Variants in RNF26 observed in about 807,000 individuals in gnomAD.
RNF26 encodes the protein ring finger protein 26.
Under a neutral mutation model 25.4 loss-of-function variants are expected in RNF26, and 8 were observed. The ratio of observed to expected loss-of-function variants is 0.31; its 90% CI spans 0.18 to 0.57. The LOEUF (loss-of-function observed/expected upper bound fraction) is 0.57, where lower values mean the gene tolerates loss of function less well. Among genes scored for constraint, RNF26 ranks in the 20% least tolerant of loss-of-function variants. The probability of loss-of-function intolerance (pLI) is 0.90; values close to 1 mark genes in which losing one functional copy is unlikely to be tolerated. For synonymous variants in RNF26, 262 were observed against 246.7 expected (o/e 1.06, Z -0.58); for missense variants, 470 against 552.0 (o/e 0.85, Z 1.49).
In RNF26 at chr11:119,335,248, C is replaced by T. The variant is rs986149624; in HGVS notation, c.126C>T (p.Phe42=). The change falls in exon 1 of 1, where the codon TTC becomes TTT. Residue 42 remains phenylalanine, a synonymous_variant. Transcript: ENST00000311413. ...CTTCCCTGGCCTGGCTCCTGGCCTT[C>T]GTCTACAACCTGCCGCACACGGTAC... is the stretch of plus-strand genomic sequence containing the variant. ...LLASLAWLLA[F]VYNLPHTVLT... 5 of 1,614,064 alleles carry T rather than the reference C, an allele frequency of 3.1e-6. No individual in the cohort carries two copies. The highest frequency in any genetic ancestry group is 1.3e-5 in the African/African-American group (1 of 74,916).
In RNF26 at chr11:119,334,988, C is replaced by T. The variant is rs1375352402; in HGVS notation, c.-135C>T. The T allele has an allele frequency of 6.0e-6, 4 of 667,508 alleles. No homozygotes were observed. In the East Asian group the frequency reaches 8.1e-5, roughly 14 times the overall value. The allele number at this position is 667,508 out of a possible 1,614,324, so 41.3% of individuals were successfully genotyped here. ...GTCTTACCCACTTCTTCCTCAGATT[C>T]TTGGTACCCCCTGGGTTGGAGACTG... On this transcript the variant is annotated 5_prime_UTR_variant, in exon 1 of 1. Coordinates refer to ENST00000311413, the MANE Select transcript of RNF26 (RefSeq NM_032015.5).
In RNF26 at chr11:119,335,351, T is replaced by G; in HGVS notation, c.229T>G (p.Cys77Gly). The change falls in exon 1 of 1, where the codon TGT (cysteine) becomes GGT (glycine). Residue 77 changes from cysteine (C) to glycine (G), a missense_variant. Coordinates refer to ENST00000311413, the MANE Select transcript of RNF26 (RefSeq NM_032015.5). ...ALIEAVVRFT[C>G]GGLQALCTLL... ...GATCGAAGCCGTGGTCCGGTTCACATGTGGGGGCTTGCAGGCCTTGTGTAC... is the reference window on the plus strand; with the variant it reads ...GATCGAAGCCGTGGTCCGGTTCACAGGTGGGGGCTTGCAGGCCTTGTGTAC... 1 of 1,614,168 alleles carries G rather than the reference T, an allele frequency of 6.2e-7. No individual in the cohort carries two copies. Among genetic ancestry groups the G allele is most frequent in the African/African-American group, 1.3e-5 (1 of 75,030 alleles).
rs142008991 is a variant in RNF26, at chr11:119,336,119, C to T, written c.997C>T (p.Arg333Cys). Residue 333 changes from arginine (R) to cysteine (C), a missense_variant, in exon 1 of 1, where the codon CGC becomes TGC. Arg to Cys is a radical substitution (Grantham distance 180). Transcript: ENST00000311413. ...ACAGGACACTCTTCCTGAAGCGGGG[C>T]GCAGATCAGAGGCAGAAGAGGAGGA... ...RRQDTLPEAG[R>C]RSEAEEEEAR... The T allele has an allele frequency of 2.7e-5, 44 of 1,614,136 alleles. No individual in the cohort carries two copies. The highest frequency in any genetic ancestry group is 1.8e-4 in the South Asian group (16 of 91,088).
chr11:119,336,677 A>G lies in RNF26; in HGVS notation c.*253A>G, dbSNP rs549028457. 220 of 543,684 alleles carry G rather than the reference A, an allele frequency of 4.0e-4. No individual in the cohort carries two copies. The highest frequency in any genetic ancestry group is 2.4e-3 in the Middle Eastern group (5 of 2,042). The allele number at this position is 543,684 out of a possible 1,614,324, so 33.7% of individuals were successfully genotyped here. The stretch of plus-strand genomic sequence containing the variant: ...GTCACTATGCAAGGGCCCTGAGACT[A>G]TTTGCTGTGGGCTCTCCTCCAGCCT... On this transcript the variant is annotated 3_prime_UTR_variant, in exon 1 of 1. Transcript: ENST00000311413.
In RNF26 at chr11:119,335,659, G is replaced by T. The variant is rs144332850; in HGVS notation, c.537G>T (p.Arg179Ser). The T allele has an allele frequency of 8.1e-6, 13 of 1,614,020 alleles. No homozygotes were observed. The South Asian group carries it at 1.4e-4, about 18-fold the overall frequency. ...LWDAVTGPLW[R>S]MTDVVAAFLA... is the part of the protein sequence containing the mutation. Reference sequence around the variant, plus strand: ...ATGCAGTGACCGGGCCTCTGTGGAGGATGACGGACGTAGTGGCTGCCTTCC... The same window carrying T: ...ATGCAGTGACCGGGCCTCTGTGGAGTATGACGGACGTAGTGGCTGCCTTCC... The change falls in exon 1 of 1, where the codon AGG becomes AGT. Residue 179 changes from arginine (R) to serine (S), a missense_variant. Arg to Ser is a moderately radical substitution (Grantham distance 110, BLOSUM62 -1). Coordinates refer to ENST00000311413, the MANE Select transcript of RNF26 (RefSeq NM_032015.5).
chr11:119,335,304 T>C lies in RNF26; in HGVS notation c.182T>C (p.Val61Ala). The C allele has an allele frequency of 6.2e-7, 1 of 1,614,026 alleles. No individual in the cohort carries two copies. The highest frequency in any genetic ancestry group is 8.5e-7 in the Non-Finnish European group (1 of 1,180,028). The change falls in exon 1 of 1, where the codon GTC becomes GCC. Residue 61 changes from valine to alanine, a missense_variant. Physicochemically the swap from Val to Ala is moderately conservative, Grantham distance 64. Transcript: ENST00000311413. ...LTSLLHLGRG[V>A]LLSLLALIEA... ...AGTCTTCTGCACTTGGGCCGCGGAG[T>C]CTTGCTTTCATTGCTGGCCTTGATC...
chr11:119,335,251 C>G lies in RNF26; in HGVS notation c.129C>G (p.Val43=), dbSNP rs1459477366. The G allele has an allele frequency of 6.2e-7, 1 of 1,614,168 alleles. No homozygotes were observed. Among genetic ancestry groups the G allele is most frequent in the South Asian group, 1.1e-5 (1 of 91,086 alleles). The change falls in exon 1 of 1, where the codon GTC becomes GTG. Residue 43 remains valine (V), a synonymous_variant. Coordinates refer to ENST00000311413, the MANE Select transcript of RNF26 (RefSeq NM_032015.5). ...CCCTGGCCTGGCTCCTGGCCTTCGT[C>G]TACAACCTGCCGCACACGGTACTGA... ...LASLAWLLAF[V]YNLPHTVLTS...
Position 119,335,451 on chromosome 11 carries a change from G to C in RNF26, c.329G>C (p.Arg110Pro), listed in dbSNP as rs760344984. 3.1e-6 allele frequency: 5 copies of C among 1,613,748 alleles called. No individual in the cohort carries two copies. The highest frequency in any genetic ancestry group is 3.4e-6 in the Non-Finnish European group (4 of 1,179,762). The change falls in exon 1 of 1, where the codon CGG (arginine) becomes CCG (proline). Residue 110 changes from arginine (R) to proline (P), a missense_variant. Coordinates refer to ENST00000311413, the MANE Select transcript of RNF26 (RefSeq NM_032015.5). ...CACCTGGCCTCTCATGGGGCACTGCGGAGCAGGGAGATACTGCACCGGGGC... is the reference window on the plus strand; with the variant it reads ...CACCTGGCCTCTCATGGGGCACTGCCGAGCAGGGAGATACTGCACCGGGGC... ...LGHLASHGALRSREILHRGVL... is the reference protein window; with the variant it reads ...LGHLASHGALPSREILHRGVL...
Position 119,335,487 on chromosome 11 carries a change from T to A in RNF26, c.365T>A (p.Val122Glu). The A allele has an allele frequency of 6.2e-7, 1 of 1,613,522 alleles. No homozygotes were observed. The highest frequency in any genetic ancestry group is 8.5e-7 in the Non-Finnish European group (1 of 1,179,628). Residue 122 changes from valine to glutamate, a missense_variant, in exon 1 of 1, where the codon GTG becomes GAG. Physicochemically the swap from Val to Glu is moderately radical, Grantham distance 121 (BLOSUM62 -2). Coordinates refer to ENST00000311413, the MANE Select transcript of RNF26 (RefSeq NM_032015.5). ...REILHRGVLN[V>E]VSSGHALLRQ... ...ATACTGCACCGGGGCGTCCTCAATGTGGTCTCCAGTGGCCATGCTTTGCTG... is the reference window on the plus strand; with the variant it reads ...ATACTGCACCGGGGCGTCCTCAATGAGGTCTCCAGTGGCCATGCTTTGCTG...
rs1244973107 is a variant in RNF26, at chr11:119,335,429, C to T, written c.307C>T (p.Leu103=). Residue 103 remains leucine (L), a synonymous_variant, in exon 1 of 1, where the codon CTG becomes TTG. Transcript: ENST00000311413. ...AGAGAGCCTAAAGCTCCTGGGGCACCTGGCCTCTCATGGGGCACTGCGGAG... is the reference window on the plus strand; with the variant it reads ...AGAGAGCCTAAAGCTCCTGGGGCACTTGGCCTCTCATGGGGCACTGCGGAG... ...GLESLKLLGH[L]ASHGALRSRE... The T allele has an allele frequency of 6.2e-7, 1 of 1,614,100 alleles. No homozygotes were observed. Among genetic ancestry groups the T allele is most frequent in the Non-Finnish European group, 8.5e-7 (1 of 1,179,962 alleles).
rs527386033 is a variant in RNF26 at position 119,336,393 on chromosome 11, G to A, written c.1271G>A (p.Gly424Asp). The change falls in exon 1 of 1, where the codon GGC becomes GAC. Residue 424 changes from glycine to aspartate, a missense_variant. By Grantham distance (94) the Gly-to-Asp change is moderately conservative. Coordinates refer to ENST00000311413, the MANE Select transcript of RNF26 (RefSeq NM_032015.5). ...CGCAATTGCCCGCTCTGCCGCCGGG[G>A]CATCCTGCAGACCCTCAATGTCTAC... Reference protein sequence around the residue: ...YHRNCPLCRRGILQTLNVYL With the variant: ...YHRNCPLCRRDILQTLNVYL 1.9e-6 allele frequency: 3 copies of A among 1,610,796 alleles called. No individual in the cohort carries two copies. Among genetic ancestry groups the A allele is most frequent in the African/African-American group, 1.3e-5 (1 of 75,048 alleles).
At position 119,336,358 on chromosome 11, in the gene RNF26, C is replaced by A. The variant is rs144302351; in HGVS notation, c.1236C>A (p.Pro412=). Residue 412 remains proline, a synonymous_variant, in exon 1 of 1, where the codon CCC becomes CCA. Coordinates refer to ENST00000311413, the MANE Select transcript of RNF26 (RefSeq NM_032015.5). Reference sequence around the variant, plus strand: ...GCACTGAAATCCTGATGCGCCACCCCGTCTACCACCGCAATTGCCCGCTCT... The same window carrying A: ...GCACTGAAATCCTGATGCGCCACCCAGTCTACCACCGCAATTGCCCGCTCT... ...QACTEILMRH[P]VYHRNCPLCR... 1 of 1,611,998 alleles carries A rather than the reference C, an allele frequency of 6.2e-7. No homozygotes were observed. Among genetic ancestry groups the A allele is most frequent in the South Asian group, 1.1e-5 (1 of 91,092 alleles).
rs1166422938 is a variant in RNF26, at chr11:119,334,732, C to CCCGAT, written c.-378_-374dup. On this transcript the variant is annotated 5_prime_UTR_variant, in exon 1 of 1. Transcript: ENST00000311413. ...CCGGCCCCGGCCCGACCCGACGCGA[C>CCCGAT]CCGATCCGATCCGATCCCATTCCAT... 3 of 233,166 alleles carry CCCGAT rather than the reference C, an allele frequency of 1.3e-5. No homozygotes were observed. Among genetic ancestry groups the CCCGAT allele is most frequent in the Admixed American group, 5.1e-5 (1 of 19,564 alleles). The allele number at this position is 233,166 out of a possible 1,614,324, so 14.4% of individuals were successfully genotyped here. A position where few individuals can be genotyped will look rare whatever the true frequency, so the allele number is the denominator to read the frequency against.
At position 119,335,243 on chromosome 11, in the gene RNF26, G is replaced by C; in HGVS notation, c.121G>C (p.Ala41Pro). 1 of 1,614,104 alleles carries C rather than the reference G, an allele frequency of 6.2e-7. No individual in the cohort carries two copies. The highest frequency in any genetic ancestry group is 8.5e-7 in the Non-Finnish European group (1 of 1,180,008). ...SLLASLAWLL[A>P]FVYNLPHTVL... ...CCTGGCTTCCCTGGCCTGGCTCCTG[G>C]CCTTCGTCTACAACCTGCCGCACAC... The change falls in exon 1 of 1, where the codon GCC (alanine) becomes CCC (proline). Residue 41 changes from alanine to proline, a missense_variant. By Grantham distance (27) the Ala-to-Pro change is conservative (BLOSUM62 -1). Coordinates refer to ENST00000311413, the MANE Select transcript of RNF26 (RefSeq NM_032015.5).
Position 119,336,567 on chromosome 11 carries a change from T to C in RNF26, c.*143T>C, listed in dbSNP as rs1591297366. 2 of 705,450 alleles carry C rather than the reference T, an allele frequency of 2.8e-6. No homozygotes were observed. Among genetic ancestry groups the C allele is most frequent in the East Asian group, 5.4e-5 (2 of 36,770 alleles). The allele number at this position is 705,450 out of a possible 1,614,324, so 43.7% of individuals were successfully genotyped here. On this transcript the variant is annotated 3_prime_UTR_variant, in exon 1 of 1. Transcript: ENST00000311413. ...CTGCCATACATCCAGGACATTGAGT[T>C]GGAAGACTATGATCTGGGTGGGGGC... is the stretch of plus-strand genomic sequence containing the variant.
At position 119,336,234 on chromosome 11, in the gene RNF26, T is replaced by C. The variant is rs1255407953; in HGVS notation, c.1112T>C (p.Leu371Pro). The change falls in exon 1 of 1, where the codon CTG (leucine) becomes CCG (proline). Residue 371 changes from leucine to proline, a missense_variant. Transcript: ENST00000311413. ...PPGGQDPWKL[L>P]KEQEERKKCV... ...GGTGGGCAAGACCCTTGGAAATTGC[T>C]GAAGGAGCAAGAGGAGCGGAAGAAG... The C allele has an allele frequency of 6.2e-7, 1 of 1,613,980 alleles. No individual in the cohort carries two copies. Among genetic ancestry groups the C allele is most frequent in the South Asian group, 1.1e-5 (1 of 91,084 alleles).
At position 119,336,208 on chromosome 11, in the gene RNF26, A is replaced by T. The variant is rs1565289148; in HGVS notation, c.1086A>T (p.Pro362=). The change falls in exon 1 of 1, where the codon CCA becomes CCT. Residue 362 remains proline (P), a synonymous_variant. Coordinates refer to ENST00000311413, the MANE Select transcript of RNF26 (RefSeq NM_032015.5). ...AGAGGCTCAATGAGGAGGAGCCTCCAGGTGGGCAAGACCCTTGGAAATTGC... is the reference window on the plus strand; with the variant it reads ...AGAGGCTCAATGAGGAGGAGCCTCCTGGTGGGCAAGACCCTTGGAAATTGC... The part of the protein sequence containing the change: ...GRERLNEEEP[P]GGQDPWKLLK... The T allele has an allele frequency of 1.2e-6, 2 of 1,614,098 alleles. No individual in the cohort carries two copies.
At position 119,336,015 on chromosome 11, in the gene RNF26, C is replaced by T. The variant is rs1424228482; in HGVS notation, c.893C>T (p.Ala298Val). ...RRVWSRSLQL[A>V]SWPNRGGAPG... ...GTCTGGAGCCGCAGTCTGCAGCTGG[C>T]GAGTTGGCCAAACCGGGGAGGGGCA... Residue 298 changes from alanine to valine, a missense_variant, in exon 1 of 1, where the codon GCG becomes GTG. Physicochemically the swap from Ala to Val is moderately conservative, Grantham distance 64 (BLOSUM62 0). Coordinates refer to ENST00000311413, the MANE Select transcript of RNF26 (RefSeq NM_032015.5). 38 of 1,613,392 alleles carry T rather than the reference C, an allele frequency of 2.4e-5. No homozygotes were observed. The highest frequency in any genetic ancestry group is 4.5e-5 in the East Asian group (2 of 44,892).
Position 119,336,204 on chromosome 11 carries a change from C to T in RNF26, c.1082C>T (p.Pro361Leu), listed in dbSNP as rs781329978. 6.2e-7 allele frequency: 1 copy of T among 1,614,072 alleles called. No individual in the cohort carries two copies. Residue 361 changes from proline to leucine, a missense_variant, in exon 1 of 1, where the codon CCT (proline) becomes CTT (leucine). Pro to Leu is a moderately conservative substitution (Grantham distance 98). Transcript: ENST00000311413. ...CGAGAGAGGCTCAATGAGGAGGAGC[C>T]TCCAGGTGGGCAAGACCCTTGGAAA... ...RGRERLNEEE[P>L]PGGQDPWKLL...
Sources: allele counts gnomAD v4.1 joint callset, GRCh38; gene constraint gnomAD v4.1.1; transcripts MANE v1.5; gene names NCBI Gene and HGNC (gene_info 2026-07-23, HGNC 2026-07-21).